The following DNAH1 variants were observed in gnomAD, a reference collection of about 807,000 sequenced individuals.
The protein encoded by DNAH1 is axonemal beta dynein heavy chain 1.
Under a neutral mutation model 484.3 loss-of-function variants are expected in DNAH1, and 327 were observed. The observed-to-expected ratio is 0.68, with a 90% confidence interval of 0.62 to 0.74. The LOEUF (loss-of-function observed/expected upper bound fraction) is 0.74, where lower values mean the gene tolerates loss of function less well. Ranked by LOEUF, DNAH1 falls within the 30% of genes least tolerant of loss-of-function variation. The pLI is 0.00. For missense variants in DNAH1, 5,052 were observed against 5,546.8 expected (o/e 0.91, Z 2.83); for synonymous variants, 2,192 against 2,191.9 (o/e 1.00, Z 0.00).
chr3:52,325,999 C>A, intron 3 of DNAH1, 141 bp from the exon 4 acceptor site: 1 of 799,240 alleles, frequency 1.3e-6, no homozygotes, highest in Non-Finnish European at 1.8e-6. Flanking sequence ...TTCTCCCAGC[C>A]ACTGCCCAGC....
rs1703252560 is a variant in DNAH1, at chr3:52,369,902, C to T, written c.6021C>T (p.Tyr2007=). Residue 2007 remains tyrosine (Y), a synonymous_variant, in exon 38 of 78, where the codon TAC becomes TAT. Transcript: ENST00000420323. ...PATVSRCGMV[Y]LEPSILGLMP... is the part of the protein sequence containing the mutation. ...CAGTCTCCCGCTGTGGCATGGTGTA[C>T]CTGGAGCCCAGCATCCTGGGGCTCA... 1 of 1,613,870 alleles carries T rather than the reference C, an allele frequency of 6.2e-7. No homozygotes were observed. Among genetic ancestry groups the T allele is most frequent in the African/African-American group, 1.3e-5 (1 of 74,938 alleles).
At position 52,345,602 on chromosome 3, in the gene DNAH1, G is replaced by T. The variant is rs760899228; in HGVS notation, c.1552G>T (p.Ala518Ser). 3 of 1,605,670 alleles carry T rather than the reference G, an allele frequency of 1.9e-6. No individual in the cohort carries two copies. The highest frequency in any genetic ancestry group is 2.6e-6 in the Non-Finnish European group (3 of 1,175,948). Residue 518 changes from alanine to serine, a missense_variant, in exon 10 of 78, where the codon GCC (alanine) becomes TCC (serine). Ala to Ser is a moderately conservative substitution (Grantham distance 99, BLOSUM62 1). Around this residue, in one of 4 missense-constraint regions of DNAH1, gnomAD observed 1,263 missense variants for 1,218.8 expected, o/e 1.04. Coordinates refer to ENST00000420323, the MANE Select transcript of DNAH1 (RefSeq NM_015512.5). Reference sequence around the variant, plus strand: ...CATCACGGCCCTCAGCAAGGTGAGGGCCGAGTGCAACAAGGTGACCGCCAT... The same window carrying T: ...CATCACGGCCCTCAGCAAGGTGAGGTCCGAGTGCAACAAGGTGACCGCCAT... ...EVITALSKVR[A>S]ECNKVTAMSL...
rs761871999 is a variant in DNAH1 at position 52,396,754 on chromosome 3, A to G, written c.11567A>G (p.Gln3856Arg). The G allele has an allele frequency of 6.2e-7, 1 of 1,613,756 alleles. No individual in the cohort carries two copies. Among genetic ancestry groups the G allele is most frequent in the Non-Finnish European group, 8.5e-7 (1 of 1,179,848 alleles). Reference protein sequence around the residue: ...TDGDLRICISQLKMFLDEYDD... With the variant: ...TDGDLRICISRLKMFLDEYDD... ...GGAGATCTGCGCATCTGCATCAGCC[A>G]GCTCAAGATGTTCCTGGACGAATAT... The change falls in exon 72 of 78, where the codon CAG (glutamine) becomes CGG (arginine). Residue 3856 changes from glutamine to arginine, a missense_variant. Physicochemically the swap from Gln to Arg is conservative, Grantham distance 43. Transcript: ENST00000420323.
rs1702267323 is a variant in DNAH1 at position 52,349,182 on chromosome 3, T to C, written c.2301-13T>C. The C allele has an allele frequency of 6.2e-7, 1 of 1,612,958 alleles. No homozygotes were observed. The highest frequency in any genetic ancestry group is 1.1e-5 in the South Asian group (1 of 90,962). ...CCATCCTCTGCCCCCTCCCGTGTGC[T>C]TGCTGTCCTCAGAACCTACCAGACG... On this transcript the variant is annotated splice_polypyrimidine_tract_variant and intron_variant, in intron 13 of 77. Coordinates refer to ENST00000420323, the MANE Select transcript of DNAH1 (RefSeq NM_015512.5).
In DNAH1 at chr3:52,353,042, C is replaced by A. The variant is rs1702459374; in HGVS notation, c.3028-61C>A. Reference sequence around the variant, plus strand: ...GAGGACCTGGCCCAAGAAGGGGCAACATGGAGAGAGACTGGGAAGTGTCCC... The same window carrying A: ...GAGGACCTGGCCCAAGAAGGGGCAAAATGGAGAGAGACTGGGAAGTGTCCC... On this transcript the variant is annotated intron_variant, in intron 18 of 77. Coordinates refer to ENST00000420323, the MANE Select transcript of DNAH1 (RefSeq NM_015512.5). This position sits in a 1 kb window ranked among gnomAD's most constrained non-coding sequence, Gnocchi z 5.0. 4 of 1,517,212 alleles carry A rather than the reference C, an allele frequency of 2.6e-6. No homozygotes were observed. The highest frequency in any genetic ancestry group is 2.5e-5 in the South Asian group (2 of 79,510). 94.0% of individuals were successfully genotyped at this position (1,517,212 alleles called of 1,614,324 possible). A position where few individuals can be genotyped will look rare whatever the true frequency, so the allele number is the denominator to read the frequency against.
At chr3:52,360,465 C>T in intron 28 of DNAH1, 41 bp downstream of exon 28, 3 of 1,531,772 alleles carry the variant, frequency 2.0e-6, no homozygotes, top group African/African-American at 1.4e-5. Flanking sequence ...CTGAGACCCT[C>T]CCTCTAGTTC....
chr3:52,314,090 G>A (rs1425180808), upstream of DNAH1, among the ~76,000 whole-genome samples: 1 of 152,206 alleles, frequency 6.6e-6, no homozygotes, highest in African/African-American at 2.4e-5. Flanking sequence ...CCTGGAAGGT[G>A]GGAGTGGGGG....
At chr3:52,363,649 C>T (rs1702954821) in intron 32 of DNAH1, among the ~76,000 whole-genome samples, 1 of 152,174 alleles carries the variant, frequency 6.6e-6, no homozygotes, top group Non-Finnish European at 1.5e-5. Flanking sequence ...CCAAACAGGC[C>T]CCCACTTTGC....
At chr3:52,388,676 G>A in intron 58 of DNAH1, 67 bp downstream of exon 58, 1 of 1,609,006 alleles carries the variant, frequency 6.2e-7, no homozygotes, top group Non-Finnish European at 8.5e-7. Flanking sequence ...AAAGGACCAG[G>A]GCGCCGGTGG....
At position 52,370,247 on chromosome 3, in the gene DNAH1, G is replaced by A; in HGVS notation, c.6258+18G>A. ...CTAGAGAGGTACAGCCCTGAGAGTG[G>A]GGCTAGATGCACCTGGTCCCTCTCC... On this transcript the variant is annotated intron_variant, in intron 39 of 77. Coordinates refer to ENST00000420323, the MANE Select transcript of DNAH1 (RefSeq NM_015512.5). 6.2e-7 allele frequency: 1 copy of A among 1,611,862 alleles called. No individual in the cohort carries two copies. The highest frequency in any genetic ancestry group is 8.5e-7 in the Non-Finnish European group (1 of 1,178,982).
rs1167951600 is a variant in DNAH1 at position 52,356,601 on chromosome 3, C to T, written c.3694-13C>T. On this transcript the variant is annotated splice_polypyrimidine_tract_variant and intron_variant, in intron 21 of 77. Transcript: ENST00000420323. ...GTCCATATCACACCCCTCCCTGCCCCTCCCCTCCCCAGGAGGTTCTGGAGG... is the reference window on the plus strand; with the variant it reads ...GTCCATATCACACCCCTCCCTGCCCTTCCCCTCCCCAGGAGGTTCTGGAGG... 1.2e-6 allele frequency: 2 copies of T among 1,612,498 alleles called. No individual in the cohort carries two copies. The highest frequency in any genetic ancestry group is 2.7e-5 in the African/African-American group (2 of 74,894).
Position 52,372,321 on chromosome 3 carries a change from T to A in DNAH1, c.6761T>A (p.Leu2254His), listed in dbSNP as rs374827539. The change falls in exon 43 of 78, where the codon CTC becomes CAC. Residue 2254 changes from leucine to histidine, a missense_variant. Transcript: ENST00000420323. ...GCACTGGATTACATCAGCCACTTCC[T>A]CACCTTCTCAGCCCGCACTTCAGCC... ...NLALDYISHF[L>H]TFSARTSANQ... 4 of 1,613,836 alleles carry A rather than the reference T, an allele frequency of 2.5e-6. No individual in the cohort carries two copies. In the African/African-American group the frequency reaches 5.3e-5, roughly 22 times the overall value.
In DNAH1 at chr3:52,344,512, C is replaced by G. The variant is rs771698466; in HGVS notation, c.1309C>G (p.Leu437Val). Residue 437 changes from leucine (L) to valine (V), a missense_variant, in exon 9 of 78, where the codon CTT becomes GTT. Coordinates refer to ENST00000420323, the MANE Select transcript of DNAH1 (RefSeq NM_015512.5). Reference sequence around the variant, plus strand: ...CAGGGTTCTAGAGCACCTCAGCAGTCTTGCCAGAGAAGTGAGCCTGGACTA... The same window carrying G: ...CAGGGTTCTAGAGCACCTCAGCAGTGTTGCCAGAGAAGTGAGCCTGGACTA... ...GPSVLEHLSSLAREVSLDYER... is the reference protein window; with the variant it reads ...GPSVLEHLSSVAREVSLDYER... 1.2e-6 allele frequency: 2 copies of G among 1,613,968 alleles called. No individual in the cohort carries two copies. Among genetic ancestry groups the G allele is most frequent in the East Asian group, 4.5e-5 (2 of 44,890 alleles).
rs573741738 is a variant in DNAH1, at chr3:52,379,446, G to A, written c.7378-459G>A. On this transcript the variant is annotated intron_variant, in intron 47 of 77. Coordinates refer to ENST00000420323, the MANE Select transcript of DNAH1 (RefSeq NM_015512.5). This position sits in a 1 kb window ranked among gnomAD's most constrained non-coding sequence, Gnocchi z 4.4. ...GATGCAGGGAAGCTGGGACAGAGGC[G>A]GCAGCTGAGATGGAGAGAGGGGGCA... is the stretch of plus-strand genomic sequence containing the variant. Among the ~76,000 whole-genome samples, 9 of 152,166 alleles carry A rather than the reference G, an allele frequency of 5.9e-5. No homozygotes were observed. In the East Asian group the frequency reaches 9.6e-4, roughly 16 times the overall value.
At chr3:52,380,685 C>T (rs547892402) in intron 48 of DNAH1, among the ~76,000 whole-genome samples, 12 of 152,310 alleles carry the variant, frequency 7.9e-5, no homozygotes, top group African/African-American at 2.4e-4. Flanking sequence ...TAAGGCCCAG[C>T]GTCCCCACCA....
Position 52,371,986 on chromosome 3 carries a change from C to T in DNAH1, c.6566C>T (p.Thr2189Ile), listed in dbSNP as rs1445082675. ...VKWMDSSAPFTMVPDTNYCNI... is the reference protein window; with the variant it reads ...VKWMDSSAPFIMVPDTNYCNI... Reference sequence around the variant, plus strand: ...TGGATGGACTCCTCAGCTCCATTCACCATGGTACCAGACACCAACTACTGC... The same window carrying T: ...TGGATGGACTCCTCAGCTCCATTCATCATGGTACCAGACACCAACTACTGC... The change falls in exon 42 of 78, where the codon ACC becomes ATC. Residue 2189 changes from threonine (T) to isoleucine (I), a missense_variant. By Grantham distance (89) the Thr-to-Ile change is moderately conservative (BLOSUM62 -1). Transcript: ENST00000420323. 6.2e-7 allele frequency: 1 copy of T among 1,613,728 alleles called. No homozygotes were observed. The highest frequency in any genetic ancestry group is 1.3e-5 in the African/African-American group (1 of 74,912).
At chr3:52,391,369 G>T in intron 62 of DNAH1, 41 bp downstream of exon 62, 1 of 1,593,456 alleles carries the variant, frequency 6.3e-7, no homozygotes, top group South Asian at 1.1e-5. Flanking sequence ...AGTAGGCCTG[G>T]ACAGGGCAGT....
Position 52,368,992 on chromosome 3 carries a change from ACT to A in DNAH1, c.5943+77_5943+78del, listed in dbSNP as rs1703203949. 6.5e-7 allele frequency: 1 copy of A among 1,539,950 alleles called. No homozygotes were observed. The highest frequency in any genetic ancestry group is 8.9e-7 in the Non-Finnish European group (1 of 1,124,174). On this transcript the variant is annotated intron_variant, in intron 37 of 77. Transcript: ENST00000420323. This position sits in a 1 kb window ranked among gnomAD's most constrained non-coding sequence, Gnocchi z 4.4. ...CTGGAGGCTGCATCATGCTGGCCAA[ACT>A]CTGCCCCCTCACCCCTTTCTCTCAG...
chr3:52,337,705 G>A (rs566915055), intron 8 of DNAH1, among the ~76,000 whole-genome samples: 4 of 152,154 alleles, frequency 2.6e-5, no homozygotes, highest in East Asian at 3.8e-4. Flanking sequence ...GGTCTGTACC[G>A]TTATTTTAGT....
Sources: gnomAD v4.1 joint callset for allele counts (sites outside exome capture counted in the v4.1 genomes callset) on GRCh38, gnomAD v4.1.1 for gene constraint, gnomAD v4.1.1 regional missense constraint, Gnocchi (gnomAD v3.1) non-coding constraint, MANE v1.5 for transcripts, NCBI Gene and HGNC (gene_info 2026-07-23, HGNC 2026-07-21) for gene names.